GRB14: variants seen among roughly 807,000 people sequenced by gnomAD.
GRB14 encodes the protein growth factor receptor bound protein 14, also known as growth factor receptor-bound protein 14.
A neutral mutation model predicts 69.1 loss-of-function variants in GRB14; 38 were observed. The ratio of observed to expected loss-of-function variants is 0.55; its 90% CI spans 0.42 to 0.72. The LOEUF (loss-of-function observed/expected upper bound fraction) is 0.72. GRB14 is among the 30% of genes least tolerant of loss of function. GRB14 has a pLI of 0.00. For synonymous variants in GRB14, 247 were observed against 241.3 expected (o/e 1.02, Z -0.22); for missense variants, 666 against 666.1 (o/e 1.00, Z 0.00).
At chr2:164,559,762 T>A (rs986365250) in intron 2 of GRB14, among the ~76,000 whole-genome samples, 1 of 152,190 alleles carries the variant, frequency 6.6e-6, no homozygotes, top group South Asian at 2.1e-4. Flanking sequence ...TGTGCAAGTA[T>A]CTTTTCGTAT....
intron 2 of GRB14, among the ~76,000 whole-genome samples, chr2:164,571,028 A>G (rs1689111693): frequency 6.6e-6 from 1 of 152,188 alleles, no homozygotes; most frequent in Non-Finnish European, 1.5e-5. Context: ...GCTTACCGAT[A>G]CTTTTCATAG....
chr2:164,616,165 C>G (rs1254107622), intron 2 of GRB14, among the ~76,000 whole-genome samples: 1 of 152,022 alleles, frequency 6.6e-6, no homozygotes, highest in Non-Finnish European at 1.5e-5. Flanking sequence ...GGGCTCATGC[C>G]TGTAATCCCA....
At chr2:164,608,557 T>A (rs1040706469) in intron 2 of GRB14, among the ~76,000 whole-genome samples, 2 of 149,974 alleles carry the variant, frequency 1.3e-5, no homozygotes, top group Non-Finnish European at 3.0e-5. Flanking sequence ...CAGTAGCCAA[T>A]GCCTCGTTCA....
rs191753956 is a variant in GRB14, at chr2:164,606,492, C to T, written c.324+13195G>A. Among the ~76,000 whole-genome samples the T allele has an allele frequency of 5.8e-3, 877 of 152,240 alleles. 5 individuals are homozygous for T. The highest frequency in any genetic ancestry group is 0.027 in the Middle Eastern group (8 of 294). ...AAAGAGTCAATTAATTTATAAAGTA[C>T]TTTATACATGGAGGTTGACCCAATA... On this transcript the variant is annotated intron_variant, in intron 2 of 13. Transcript: ENST00000263915.
chr2:164,601,685 A>G (rs55994627), intron 2 of GRB14, among the ~76,000 whole-genome samples: 77 of 152,272 alleles, frequency 5.1e-4, no homozygotes, highest in Non-Finnish European at 8.4e-4. Flanking sequence ...TAAAAATAAC[A>G]TATTTGAAAT....
Position 164,494,493 on chromosome 2 carries a change from G to A in GRB14, c.1414C>T (p.Pro472Ser). Reference protein sequence around the residue: ...VFLVRDSQSNPKTFVLSMSHG... With the variant: ...VFLVRDSQSNSKTFVLSMSHG... ...CTCATTGACAGTACGAAAGTTTTGG[G>A]GTTACTCTGACTATCCCGTACCAAG... The change falls in exon 13 of 14, where the codon CCC becomes TCC. Residue 472 changes from proline to serine, a missense_variant. Physicochemically the swap from Pro to Ser is moderately conservative, Grantham distance 74. Transcript: ENST00000263915. The A allele has an allele frequency of 1.3e-6, 2 of 1,599,730 alleles. No homozygotes were observed. The highest frequency in any genetic ancestry group is 1.7e-5 in the Admixed American group (1 of 59,964).
At chr2:164,580,985 GTTAGGA>G (rs1275958322) in intron 2 of GRB14, among the ~76,000 whole-genome samples, 1 of 152,152 alleles carries the variant, frequency 6.6e-6, no homozygotes, top group Non-Finnish European at 1.5e-5. Flanking sequence ...TGCTCTAGTT[GTTAGGA>G]TGACACTTTC....
intron 2 of GRB14, among the ~76,000 whole-genome samples, chr2:164,592,036 C>T (rs569299053): frequency 3.0e-4 from 45 of 152,110 alleles, no homozygotes; most frequent in Non-Finnish European, 5.9e-4. Flanking sequence ...TGCCTTTTAC[C>T]TTCCACCATG....
At position 164,556,029 on chromosome 2, in the gene GRB14, T is replaced by C. The variant is rs924915606; in HGVS notation, c.325-8213A>G. On this transcript the variant is annotated intron_variant, in intron 2 of 13. Coordinates refer to ENST00000263915, the MANE Select transcript of GRB14 (RefSeq NM_004490.3). ...AGAGTAGTCCTGAATTTTTACATTC[T>C]TATAAATAAGAAACACAGTGTCCTA... Among the ~76,000 whole-genome samples the C allele has an allele frequency of 2.0e-5, 3 of 152,246 alleles. No individual in the cohort carries two copies. The East Asian group carries it at 5.8e-4, about 29-fold the overall frequency.
chr2:164,608,246 C>A (rs12692726), intron 2 of GRB14, among the ~76,000 whole-genome samples: 23,194 of 151,722 alleles, frequency 0.15, 1,929 homozygotes, highest in African/African-American at 0.18. Context: ...GCGGCGAGTG[C>A]CCATAATCCC....
At chr2:164,554,583 C>T (rs1298203345) in intron 2 of GRB14, among the ~76,000 whole-genome samples, 2 of 152,148 alleles carry the variant, frequency 1.3e-5, no homozygotes, top group East Asian at 3.9e-4. Context: ...TTGGAAAGCC[C>T]TTCTGTGTCA....
intron 3 of GRB14, among the ~76,000 whole-genome samples, chr2:164,529,507 C>T (rs1201072315): frequency 6.6e-6 from 1 of 152,128 alleles, no homozygotes; most frequent in Non-Finnish European, 1.5e-5. Context: ...GTCTCCATTA[C>T]TGTCATTTTT....
At chr2:164,603,048 A>G (rs560361762) in intron 2 of GRB14, among the ~76,000 whole-genome samples, 1 of 152,322 alleles carries the variant, frequency 6.6e-6, no homozygotes, top group Non-Finnish European at 1.5e-5. Context: ...GGAAAGGATT[A>G]GAGGCATGAT....
At chr2:164,614,619 G>C (rs1558885384) in intron 2 of GRB14, among the ~76,000 whole-genome samples, 1 of 152,076 alleles carries the variant, frequency 6.6e-6, no homozygotes, top group African/African-American at 2.4e-5. Flanking sequence ...AAATACTTTA[G>C]CAAAGAAAAT....
chr2:164,592,589 T>C (rs1574340028), intron 2 of GRB14, among the ~76,000 whole-genome samples: 1 of 152,306 alleles, frequency 6.6e-6, no homozygotes, highest in South Asian at 2.1e-4. Context: ...CATCAGCCAC[T>C]AGACACATAG....
intron 3 of GRB14, among the ~76,000 whole-genome samples, chr2:164,543,565 G>A (rs1009296137): frequency 4.6e-5 from 7 of 152,124 alleles, no homozygotes; most frequent in Admixed American, 2.0e-4. Flanking sequence ...ATGCAGAGCC[G>A]ACTAGCTGAT....
intron 3 of GRB14, among the ~76,000 whole-genome samples, chr2:164,536,552 T>C (rs546252562): frequency 1.3e-5 from 2 of 152,330 alleles, no homozygotes; most frequent in African/African-American, 4.8e-5. Context: ...TATATTCCTT[T>C]CTTGTCGTTT....
Position 164,568,810 on chromosome 2 carries a change from A to ACT in GRB14, c.325-20995_325-20994insAG, listed in dbSNP as rs1159843326. On this transcript the variant is annotated intron_variant, in intron 2 of 13. Coordinates refer to ENST00000263915, the MANE Select transcript of GRB14 (RefSeq NM_004490.3). Reference sequence around the variant, plus strand: ...CTATTTAAAGTATATAAATATATTAATGAACTAAATTTACTTATGCTATTC... The same window carrying ACT: ...CTATTTAAAGTATATAAATATATTAACTTGAACTAAATTTACTTATGCTATTC... 4.6e-3 allele frequency among the ~76,000 whole-genome samples: 697 copies of ACT among 152,282 alleles called. 13 individuals carry two copies. The highest frequency in any genetic ancestry group is 0.015 in the African/African-American group (620 of 41,562).
intron 3 of GRB14, among the ~76,000 whole-genome samples, chr2:164,539,195 T>A (rs1386072151): frequency 5.3e-5 from 8 of 151,988 alleles, no homozygotes; most frequent in Admixed American, 2.0e-4. Context: ...CTAATAACGG[T>A]CGGGCGTGGT....
Sources: gnomAD v4.1 joint callset for allele counts (sites outside exome capture counted in the v4.1 genomes callset) on GRCh38, gnomAD v4.1.1 for gene constraint, MANE v1.5 for transcripts, NCBI Gene and HGNC (gene_info 2026-07-23, HGNC 2026-07-21) for gene names.